HNRNPR: variants seen among roughly 807,000 people sequenced by gnomAD.
HNRNPR encodes the protein heterogeneous nuclear ribonucleoprotein R.
Under a neutral mutation model 70.3 loss-of-function variants are expected in HNRNPR, and 4 were observed. That is an observed-to-expected ratio of 0.06 (90% CI 0.03 to 0.13). The LOEUF (loss-of-function observed/expected upper bound fraction) is 0.13. Among genes scored for constraint, HNRNPR ranks in the 10% least tolerant of loss-of-function variants. The pLI, the probability that HNRNPR is intolerant of heterozygous loss-of-function variation, is 1.00. For missense variants in HNRNPR, 423 were observed against 788.5 expected, an observed-to-expected ratio of 0.54 and a Z score of 5.55; for synonymous variants, 241 against 267.6, an observed-to-expected ratio of 0.90 and a Z score of 0.97.
In HNRNPR at chr1:23,309,571, T is replaced by C. The variant is rs189146377; in HGVS notation, c.*883A>G. 4 of 152,334 alleles carry C rather than the reference T, an allele frequency of 2.6e-5. No individual in the cohort carries two copies. The highest frequency in any genetic ancestry group is 3.9e-4 in the East Asian group (2 of 5,190). 9.4% of individuals were successfully genotyped at this position (152,334 alleles called of 1,614,324 possible). A position where few individuals can be genotyped will look rare whatever the true frequency, so the allele number is the denominator to read the frequency against. On this transcript the variant is annotated 3_prime_UTR_variant, in exon 11 of 11. Transcript: ENST00000302271. ...AAAATTTCAAAATTAGAAGAGACTATGAGAGAACACCAATCAATGAAAGTG... is the reference window on the plus strand; with the variant it reads ...AAAATTTCAAAATTAGAAGAGACTACGAGAGAACACCAATCAATGAAAGTG...
intron 2 of HNRNPR, 88 bp downstream of exon 2, chr1:23,340,760 ATAAG>A: frequency 9.7e-7 from 1 of 1,031,268 alleles, no homozygotes; most frequent in Non-Finnish European, 1.4e-6. Context: ...ATCAGAAACA[ATAAG>A]TATTATTTAA....
chr1:23,311,449 G>T, intron 9 of HNRNPR, 127 bp from the exon 10 acceptor site: 2 of 642,398 alleles, frequency 3.1e-6, no homozygotes, highest in Non-Finnish European at 5.2e-6. Flanking sequence ...ATTTTAAATG[G>T]CAAAAGGTGA....
rs1645193980 is a variant in HNRNPR, at chr1:23,305,762, C to T, written c.*4692G>A. 1 of 152,140 alleles carries T rather than the reference C, an allele frequency of 6.6e-6. No homozygotes were observed. Among genetic ancestry groups the T allele is most frequent in the South Asian group, 2.1e-4 (1 of 4,830 alleles). 9.4% of individuals were successfully genotyped at this position (152,140 alleles called of 1,614,324 possible). A position where few individuals can be genotyped will look rare whatever the true frequency, so the allele number is the denominator to read the frequency against. On this transcript the variant is annotated 3_prime_UTR_variant, in exon 11 of 11. Coordinates refer to ENST00000302271, the MANE Select transcript of HNRNPR (RefSeq NM_005826.5). ...TAATCCTATCAGCTACCCTAGCTTT[C>T]ACACAAAACACAAGTTGTTCATAGG...
At chr1:23,331,834 T>A (rs1488397791) in intron 5 of HNRNPR, among the ~76,000 whole-genome samples, 2 of 59,270 alleles carry the variant, frequency 3.4e-5, no homozygotes, top group Admixed American at 2.9e-4. Context: ...ACTGTTTCTT[T>A]AAAAAAAAAA....
In HNRNPR at chr1:23,321,493, C is replaced by T. The variant is rs370805246; in HGVS notation, c.811+35G>A. ...CACTTGTAAGTAGTACAACATATTT[C>T]GCAAAAGTAATTTCTAAATACATTT... is the stretch of plus-strand genomic sequence containing the variant. On this transcript the variant is annotated intron_variant, in intron 7 of 10. Transcript: ENST00000302271. The T allele has an allele frequency of 1.5e-5, 24 of 1,589,370 alleles. 1 individual carries two copies. In the African/African-American group the frequency reaches 2.0e-4, roughly 13 times the overall value.
chr1:23,336,767 CAA>C (rs34880516), intron 4 of HNRNPR, among the ~76,000 whole-genome samples: 273 of 59,594 alleles, frequency 4.6e-3, no homozygotes, highest in African/African-American at 0.012. Context: ...GACTCTGTCT[CAA>C]AAAAAAAAAA....
chr1:23,314,064 T>C (rs1645439007), intron 8 of HNRNPR, among the ~76,000 whole-genome samples: 1 of 151,506 alleles, frequency 6.6e-6, no homozygotes, highest in Non-Finnish European at 1.5e-5. Flanking sequence ...TATGAAAAAA[T>C]AAATAAGCAA....
At chr1:23,314,531 G>T (rs1645457749) in intron 8 of HNRNPR, among the ~76,000 whole-genome samples, 1 of 152,042 alleles carries the variant, frequency 6.6e-6, no homozygotes, top group South Asian at 2.1e-4. Context: ...AGAAAAATAG[G>T]CAAAATTCCT....
At chr1:23,341,111 T>C (rs1557950182) in intron 1 of HNRNPR, 94 bp from the exon 2 acceptor site, 2 of 872,548 alleles carry the variant, frequency 2.3e-6, no homozygotes, top group South Asian at 1.8e-5. Context: ...TTTGTATACA[T>C]GCTGCTAATA....
chr1:23,341,072 T>A, intron 1 of HNRNPR, 55 bp from the exon 2 acceptor site: 1 of 1,328,182 alleles, frequency 7.5e-7, no homozygotes, highest in Non-Finnish European at 1.1e-6. Flanking sequence ...AACTAGTTTG[T>A]AGGACAATGC....
rs369249193 is a variant in HNRNPR at position 23,310,696 on chromosome 1, T to C, written c.1660A>G (p.Arg554Gly). The C allele has an allele frequency of 5.1e-5, 83 of 1,613,404 alleles. No homozygotes were observed. The highest frequency in any genetic ancestry group is 6.9e-5 in the Non-Finnish European group (81 of 1,179,702). The change falls in exon 11 of 11, where the codon AGA becomes GGA. Residue 554 changes from arginine to glycine, a missense_variant. Coordinates refer to ENST00000302271, the MANE Select transcript of HNRNPR (RefSeq NM_005826.5). The surrounding 1 kb of genome is among the most constrained non-coding windows in gnomAD (Gnocchi z 6.0). ...CGAGATCCACGGGAACCACGGCCTCTCTGCTGTTGAGCAGGACCCCCTCTG... is the reference window on the plus strand; with the variant it reads ...CGAGATCCACGGGAACCACGGCCTCCCTGCTGTTGAGCAGGACCCCCTCTG... ...GGRGGPAQQQRGRGSRGSRGN... is the reference protein window; with the variant it reads ...GGRGGPAQQQGGRGSRGSRGN...
In HNRNPR at chr1:23,307,224, T is replaced by C. The variant is rs941866718; in HGVS notation, c.*3230A>G. ...AGGGTTTGGTTTTACAAATGCACAA[T>C]TAATAAAACGTAGGTATGATTATAT... On this transcript the variant is annotated 3_prime_UTR_variant, in exon 11 of 11. Coordinates refer to ENST00000302271, the MANE Select transcript of HNRNPR (RefSeq NM_005826.5). The C allele has an allele frequency of 6.6e-6, 1 of 152,104 alleles. No individual in the cohort carries two copies. Among genetic ancestry groups the C allele is most frequent in the African/African-American group, 2.4e-5 (1 of 41,438 alleles). The allele number at this position is 152,104 out of a possible 1,614,324, so 9.4% of individuals were successfully genotyped here. A position where few individuals can be genotyped will look rare whatever the true frequency, so the allele number is the denominator to read the frequency against.
chr1:23,310,752 G>A lies in HNRNPR; in HGVS notation c.1604C>T (p.Pro535Leu). 1.2e-6 allele frequency: 2 copies of A among 1,613,586 alleles called. No individual in the cohort carries two copies. The highest frequency in any genetic ancestry group is 8.5e-7 in the Non-Finnish European group (1 of 1,179,804). ...CCTAGAGCCTCTTGGTGGTCCCAAA[G>A]GTGCCCCCCTCTGTGAATAGCCAGC... The part of the protein sequence containing the change: ...GRAGYSQRGA[P>L]LGPPRGSRGG... Residue 535 changes from proline (P) to leucine (L), a missense_variant, in exon 11 of 11, where the codon CCT becomes CTT. Physicochemically the swap from Pro to Leu is moderately conservative, Grantham distance 98 (BLOSUM62 -3). This residue lies in a region of HNRNPR where 169 missense variants were observed against 195.6 expected (regional missense o/e 0.86). Transcript: ENST00000302271. This position sits in a 1 kb window ranked among gnomAD's most constrained non-coding sequence, Gnocchi z 6.0.
chr1:23,338,321 C>A (rs1372584244), intron 3 of HNRNPR, 169 bp downstream of exon 3: 6 of 425,964 alleles, frequency 1.4e-5, no homozygotes, highest in Non-Finnish European at 2.1e-5. Context: ...TTGCTTTATA[C>A]TTGGGCTTCT....
chr1:23,306,182 CCT>C lies in HNRNPR; in HGVS notation c.*4270_*4271del, dbSNP rs556353985. ...TCTATTTTGCTCACTTAAAATATAC[CCT>C]GAGTATTTCATTACTTCATACTTGC... On this transcript the variant is annotated 3_prime_UTR_variant, in exon 11 of 11. Transcript: ENST00000302271. 13 of 152,036 alleles carry C rather than the reference CCT, an allele frequency of 8.6e-5. No individual in the cohort carries two copies. The South Asian group carries it at 1.9e-3, about 22-fold the overall frequency. 9.4% of individuals were successfully genotyped at this position (152,036 alleles called of 1,614,324 possible).
chr1:23,316,143 ACTTTT>A (rs928118722), intron 8 of HNRNPR, among the ~76,000 whole-genome samples: 7 of 152,290 alleles, frequency 4.6e-5, no homozygotes, highest in African/African-American at 1.4e-4. Flanking sequence ...AAATGGATAA[ACTTTT>A]CTTTTCAATT....
At chr1:23,327,995 CAAAAAAA>C (rs11345105) in intron 5 of HNRNPR, among the ~76,000 whole-genome samples, 12 of 118,738 alleles carry the variant, frequency 1.0e-4, no homozygotes, top group African/African-American at 3.2e-4. Context: ...GACTCTGTCT[CAAAAAAA>C]AAAAAAAAAA....
intron 5 of HNRNPR, among the ~76,000 whole-genome samples, chr1:23,331,636 G>A (rs945275143): frequency 6.6e-6 from 1 of 151,446 alleles, no homozygotes; most frequent in Non-Finnish European, 1.5e-5. Flanking sequence ...GCAGTGAGAC[G>A]AAATTGCACC....
At chr1:23,338,417 T>C (rs1646584753) in intron 3 of HNRNPR, 73 bp downstream of exon 3, 8 of 621,250 alleles carry the variant, frequency 1.3e-5, no homozygotes, top group South Asian at 3.1e-5. Context: ...CACTTCTCCA[T>C]AGGAAAAAAA....
Sources: gnomAD v4.1 joint callset for allele counts (sites outside exome capture counted in the v4.1 genomes callset) on GRCh38, gnomAD v4.1.1 for gene constraint, gnomAD v4.1.1 regional missense constraint, Gnocchi (gnomAD v3.1) non-coding constraint, MANE v1.5 for transcripts, NCBI Gene and HGNC (gene_info 2026-07-23, HGNC 2026-07-21) for gene names.